The following SMAP1 variants were observed in gnomAD, a reference collection of about 807,000 sequenced individuals.
SMAP1 encodes the protein stromal membrane-associated protein 1.
In SMAP1, 24 loss-of-function variants were observed where a neutral mutation model predicts 58.5. That is an observed-to-expected ratio of 0.41 (90% CI 0.30 to 0.58). The LOEUF (loss-of-function observed/expected upper bound fraction) is 0.58. Among genes scored for constraint, SMAP1 ranks in the 20% least tolerant of loss-of-function variants. The pLI is 0.29. For synonymous variants in SMAP1, 216 were observed against 196.6 expected (o/e 1.10, Z -0.82); for missense variants, 563 against 566.3 (o/e 0.99, Z 0.06).
At chr6:70,738,103 G>T (rs1203143619) in intron 2 of SMAP1, among the ~76,000 whole-genome samples, 3 of 152,194 alleles carry the variant, frequency 2.0e-5, no homozygotes, top group African/African-American at 4.8e-5. Flanking sequence ...CTGGAATCGT[G>T]TGGCTGGGAT....
intron 7 of SMAP1, among the ~76,000 whole-genome samples, chr6:70,849,796 T>C (rs950976024): frequency 1.3e-5 from 2 of 152,232 alleles, no homozygotes; most frequent in African/African-American, 4.8e-5. Context: ...TTAAGTACAC[T>C]CACATTGCAC....
intron 3 of SMAP1, among the ~76,000 whole-genome samples, chr6:70,757,124 C>T (rs1228321309): frequency 2.0e-5 from 3 of 152,010 alleles, no homozygotes; most frequent in Admixed American, 1.3e-4. Context: ...AAATATACTA[C>T]AAGGCTACAG....
At chr6:70,835,362 T>C (rs919062394) in intron 6 of SMAP1, among the ~76,000 whole-genome samples, 1 of 152,030 alleles carries the variant, frequency 6.6e-6, no homozygotes, top group South Asian at 2.1e-4. Context: ...AGGGTAGATA[T>C]GTGTTCTTAG....
In SMAP1 at chr6:70,734,163, A is replaced by G. The variant is rs140394593; in HGVS notation, c.252+1652A>G. Among the ~76,000 whole-genome samples, 369 of 150,342 alleles carry G rather than the reference A, an allele frequency of 2.5e-3. 4 individuals carry two copies. The highest frequency in any genetic ancestry group is 8.4e-3 in the African/African-American group (342 of 40,850). ...CTCTTCCCATCTTTTTTTTTTTGAG[A>G]CGGAGTCTCACTCATGCTATTGCTC... On this transcript the variant is annotated intron_variant, in intron 2 of 10. Coordinates refer to ENST00000370455, the MANE Select transcript of SMAP1 (RefSeq NM_001044305.3).
At chr6:70,765,306 A>G (rs1255312229) in intron 3 of SMAP1, among the ~76,000 whole-genome samples, 1 of 152,136 alleles carries the variant, frequency 6.6e-6, no homozygotes, top group Admixed American at 6.6e-5. Context: ...ATATAATGAA[A>G]CCGGTTTTAC....
intron 9 of SMAP1, chr6:70,857,567 T>G: frequency 4.2e-6 from 1 of 238,342 alleles, no homozygotes; most frequent in African/African-American, 2.3e-5. Context: ...TATAGTCAGC[T>G]CTCACTTCCC....
intron 3 of SMAP1, among the ~76,000 whole-genome samples, chr6:70,768,494 G>A (rs568246014): frequency 2.3e-4 from 35 of 152,214 alleles, no homozygotes; most frequent in African/African-American, 6.7e-4. Context: ...TGTATGTGTC[G>A]AGGAATTTAT....
chr6:70,801,100 T>G (rs759508374), intron 6 of SMAP1, among the ~76,000 whole-genome samples: 1 of 152,228 alleles, frequency 6.6e-6, no homozygotes, highest in Non-Finnish European at 1.5e-5. Context: ...CACACTGTCT[T>G]CCACAATAGT....
intron 5 of SMAP1, among the ~76,000 whole-genome samples, chr6:70,793,223 C>T (rs1388700140): frequency 6.6e-6 from 1 of 152,036 alleles, no homozygotes; most frequent in Admixed American, 6.5e-5. Context: ...TTAGTAGAGA[C>T]AGGGTTTCGC....
chr6:70,693,954 GTCA>G (rs1175553866), intron 1 of SMAP1: 1 of 157,032 alleles, frequency 6.4e-6, no homozygotes, highest in African/African-American at 2.4e-5. Context: ...TTTTCCTACA[GTCA>G]TCATAACAAA....
chr6:70,789,724 CAAAA>C (rs35376781), intron 4 of SMAP1, among the ~76,000 whole-genome samples: 1 of 73,770 alleles, frequency 1.4e-5, no homozygotes, highest in African/African-American at 5.5e-5. Flanking sequence ...GACTCTGTCT[CAAAA>C]AAAAAAAAAA....
At chr6:70,840,981 C>T (rs1366419700) in intron 7 of SMAP1, among the ~76,000 whole-genome samples, 1 of 152,164 alleles carries the variant, frequency 6.6e-6, no homozygotes, top group Non-Finnish European at 1.5e-5. Flanking sequence ...TAGTTTAGGA[C>T]TGTGAATTAT....
chr6:70,760,512 G>C (rs1303259735), intron 3 of SMAP1, among the ~76,000 whole-genome samples: 1 of 151,892 alleles, frequency 6.6e-6, no homozygotes, highest in Non-Finnish European at 1.5e-5. Flanking sequence ...AAATTACCTT[G>C]GTTATTATAA....
rs551691418 is a variant in SMAP1 at position 70,738,996 on chromosome 6, C to T, written c.252+6485C>T. Reference sequence around the variant, plus strand: ...TTAATTTTTCAAATAAAATGACTTACAGTTGATTAAAGTACAATATTTGTG... The same window carrying T: ...TTAATTTTTCAAATAAAATGACTTATAGTTGATTAAAGTACAATATTTGTG... On this transcript the variant is annotated intron_variant, in intron 2 of 10. Transcript: ENST00000370455. Among the ~76,000 whole-genome samples the T allele has an allele frequency of 9.2e-5, 14 of 152,246 alleles. No homozygotes were observed. In the South Asian group the frequency reaches 2.5e-3, roughly 27 times the overall value.
At chr6:70,790,380 C>G (rs930202933) in intron 4 of SMAP1, among the ~76,000 whole-genome samples, 1 of 152,152 alleles carries the variant, frequency 6.6e-6, no homozygotes, top group Non-Finnish European at 1.5e-5. Context: ...CTCAAGTGAT[C>G]TGCGTGCCTT....
chr6:70,691,579 A>G (rs1479356243), intron 1 of SMAP1, among the ~76,000 whole-genome samples: 5 of 152,128 alleles, frequency 3.3e-5, no homozygotes, highest in Non-Finnish European at 5.9e-5. Flanking sequence ...CCCATTAACC[A>G]TCTCAATTCT....
At chr6:70,821,682 A>G (rs1279921490) in intron 6 of SMAP1, among the ~76,000 whole-genome samples, 4 of 152,198 alleles carry the variant, frequency 2.6e-5, no homozygotes, top group Admixed American at 1.3e-4. Context: ...AATAAGAATT[A>G]TTACTTAACA....
chr6:70,762,067 C>T (rs1234409683), intron 3 of SMAP1, among the ~76,000 whole-genome samples: 1 of 152,046 alleles, frequency 6.6e-6, no homozygotes, highest in Non-Finnish European at 1.5e-5. Flanking sequence ...AGACTATCTT[C>T]TTTGAGAATG....
chr6:70,673,620 G>A (rs1415252415), intron 1 of SMAP1, among the ~76,000 whole-genome samples: 1 of 152,328 alleles, frequency 6.6e-6, no homozygotes, highest in Non-Finnish European at 1.5e-5. Flanking sequence ...TGTTTATTAT[G>A]ATGTTGATGC....
Sources: allele counts gnomAD v4.1 joint callset (sites outside exome capture counted in the v4.1 genomes callset), GRCh38; gene constraint gnomAD v4.1.1; transcripts MANE v1.5; gene names NCBI Gene and HGNC (gene_info 2026-07-23, HGNC 2026-07-21).